The following HCK variants were observed in gnomAD, a reference collection of about 807,000 sequenced individuals.
HCK encodes HCK proto-oncogene, Src family tyrosine kinase.
Under a neutral mutation model 70.4 loss-of-function variants are expected in HCK, and 40 were observed. The observed-to-expected ratio is 0.57, with a 90% CI of 0.44 to 0.74. The LOEUF (loss-of-function observed/expected upper bound fraction) is 0.74, where lower values mean the gene tolerates loss of function less well. HCK is among the 30% of genes least tolerant of loss of function. The probability of loss-of-function intolerance (pLI) is 0.00; values close to 1 mark genes in which losing one functional copy is unlikely to be tolerated. For synonymous variants in HCK, 245 were observed against 263.2 expected (o/e 0.93, Z 0.67); for missense variants, 568 against 697.2 (o/e 0.81, Z 2.09).
intron 10 of HCK, 145 bp from the exon 11 acceptor site, chr20:32,093,718 C>A: frequency 2.8e-6 from 2 of 710,110 alleles, no homozygotes; most frequent in South Asian, 2.0e-5. Flanking sequence ...CCACCCTGAG[C>A]CCTGGGGCCC....
chr20:32,066,960 C>T (rs1414345779), intron 1 of HCK, among the ~76,000 whole-genome samples: 1 of 152,110 alleles, frequency 6.6e-6, no homozygotes, highest in Non-Finnish European at 1.5e-5. Context: ...TTGACTTTCC[C>T]CCAATCTTTA....
chr20:32,069,399 G>A (rs73247033), intron 1 of HCK, among the ~76,000 whole-genome samples: 2,743 of 152,318 alleles, frequency 0.018, 58 homozygotes, highest in African/African-American at 0.054. Flanking sequence ...TGGGTGCCCA[G>A]AGAGGTAGAG....
At chr20:32,067,035 A>G (rs966017115) in intron 1 of HCK, among the ~76,000 whole-genome samples, 9 of 152,188 alleles carry the variant, frequency 5.9e-5, no homozygotes, top group Non-Finnish European at 2.9e-5. Context: ...TTATTATTGT[A>G]AACAGGTTGC....
chr20:32,091,724 G>T (rs541585183), intron 10 of HCK, among the ~76,000 whole-genome samples: 105 of 152,010 alleles, frequency 6.9e-4, no homozygotes, highest in Middle Eastern at 3.4e-3. Flanking sequence ...GACAGCTCAG[G>T]CCTGTAATCC....
At chr20:32,082,979 A>T (rs1193703348) in intron 6 of HCK, among the ~76,000 whole-genome samples, 5 of 152,190 alleles carry the variant, frequency 3.3e-5, no homozygotes, top group Admixed American at 3.3e-4. Context: ...ATTCTCTAAC[A>T]GTTCTGGGGA....
At chr20:32,066,331 TGACAGAG>T (rs2045458505) in intron 1 of HCK, among the ~76,000 whole-genome samples, 451 of 81,782 alleles carry the variant, frequency 5.5e-3, no homozygotes, top group South Asian at 0.014. Context: ...TTTTTTTTTT[TGACAGAG>T]TCTTGCTCTG....
At chr20:32,067,073 G>A (rs940986156) in intron 1 of HCK, among the ~76,000 whole-genome samples, 1 of 152,094 alleles carries the variant, frequency 6.6e-6, no homozygotes, top group African/African-American at 2.4e-5. Context: ...TAACATACAC[G>A]TAGGCACATA....
intron 1 of HCK, among the ~76,000 whole-genome samples, chr20:32,056,241 C>T (rs914569559): frequency 6.6e-6 from 1 of 152,136 alleles, no homozygotes; most frequent in African/African-American, 2.4e-5. Flanking sequence ...TGGCCGGGTG[C>T]GGTGGCTCAC....
chr20:32,074,461 C>A (rs527465738), intron 4 of HCK, among the ~76,000 whole-genome samples, 162 bp from the exon 5 acceptor site: 1 of 152,128 alleles, frequency 6.6e-6, no homozygotes, highest in Admixed American at 6.5e-5. Context: ...GATCCCTACC[C>A]TAATCATGGC....
At chr20:32,083,722 C>G (rs1051205290) in intron 6 of HCK, among the ~76,000 whole-genome samples, 172 bp from the exon 7 acceptor site, 1 of 152,206 alleles carries the variant, frequency 6.6e-6, no homozygotes, top group African/African-American at 2.4e-5. Context: ...TGTGGTAGAG[C>G]CTGGATGAGA....
chr20:32,054,068 C>T (rs904149645), intron 1 of HCK: 2 of 366,660 alleles, frequency 5.5e-6, no homozygotes, highest in Non-Finnish European at 1.1e-5. Context: ...TTAGATGTCC[C>T]GAGAATCCAC....
intron 1 of HCK, among the ~76,000 whole-genome samples, chr20:32,056,780 G>A (rs944075515): frequency 1.3e-5 from 2 of 152,224 alleles, no homozygotes; most frequent in Middle Eastern, 3.4e-3. Context: ...TACATTCTAA[G>A]GACTAGCCAG....
chr20:32,064,773 G>A (rs1006696246), intron 1 of HCK, among the ~76,000 whole-genome samples: 1 of 152,212 alleles, frequency 6.6e-6, no homozygotes, highest in African/African-American at 2.4e-5. Context: ...GTTTTCCACA[G>A]CCAGCATGGT....
At position 32,052,426 on chromosome 20, in the gene HCK, TG is replaced by T. The variant is rs755024531; in HGVS notation, c.9del (p.Arg4_?3). 18 of 1,282,576 alleles carry T rather than the reference TG, an allele frequency of 1.4e-5. No individual in the cohort carries two copies. The South Asian group carries it at 1.6e-4, about 12-fold the overall frequency. The allele number at this position is 1,282,576 out of a possible 1,614,324, so 79.4% of individuals were successfully genotyped here. ...CCCGGAACCTCAGGGGCTGCCGAGC[TG>T]GGGGGGCGCTCAAGCTGCGAGGATC... On this transcript the variant is annotated frameshift_variant and start_lost, in exon 1 of 13. Transcript: ENST00000375852. LOFTEE classifies it high-confidence loss of function.
chr20:32,083,849 G>C (rs200244202), intron 6 of HCK, 45 bp from the exon 7 acceptor site: 26 of 1,610,950 alleles, frequency 1.6e-5, no homozygotes, highest in Non-Finnish European at 1.7e-6. Context: ...AAGGTGGCAG[G>C]CCTCCAAGAT....
At chr20:32,095,050 AC>A (rs1367858397) in intron 11 of HCK, among the ~76,000 whole-genome samples, 1 of 152,250 alleles carries the variant, frequency 6.6e-6, no homozygotes, top group African/African-American at 2.4e-5. Flanking sequence ...AAAAATGGAA[AC>A]AACACTCTTT....
chr20:32,058,452 A>G (rs552541171), intron 1 of HCK, among the ~76,000 whole-genome samples: 2 of 151,582 alleles, frequency 1.3e-5, no homozygotes, highest in East Asian at 3.9e-4. Flanking sequence ...GAATTGCTGG[A>G]ACCCGGGAGG....
intron 10 of HCK, among the ~76,000 whole-genome samples, chr20:32,093,628 T>C (rs1176642890): frequency 6.6e-6 from 1 of 152,194 alleles, no homozygotes; most frequent in Non-Finnish European, 1.5e-5. Context: ...TCTGGAAGTC[T>C]TGGAATTCTA....
At chr20:32,090,581 C>A (rs552468446) in intron 10 of HCK, among the ~76,000 whole-genome samples, 140 of 152,302 alleles carry the variant, frequency 9.2e-4, no homozygotes, top group African/African-American at 3.2e-3. Flanking sequence ...AACCTTGAGG[C>A]ATCCATAGGA....
Sources: allele counts gnomAD v4.1 joint callset (sites outside exome capture counted in the v4.1 genomes callset), GRCh38; gene constraint gnomAD v4.1.1; transcripts MANE v1.5; gene names NCBI Gene and HGNC (gene_info 2026-07-23, HGNC 2026-07-21).